The following AUTS2 variants were observed in gnomAD, a reference collection of about 807,000 sequenced individuals.
AUTS2 encodes the protein autism susceptibility gene 2 protein.
AUTS2 carries 17 observed loss-of-function variants against 112.4 expected under a neutral mutation model. The ratio of observed to expected loss-of-function variants is 0.15; its 90% confidence interval spans 0.10 to 0.23. AUTS2 has a LOEUF of 0.23. Among genes scored for constraint, AUTS2 ranks in the 10% least tolerant of loss-of-function variants. The pLI is 1.00. For missense variants in AUTS2, 1,510 were observed against 1,701.6 expected (o/e 0.89, Z 1.98); for synonymous variants, 751 against 702.7 (o/e 1.07, Z -1.09).
chr7:70,497,703 G>T (rs1798610735), intron 5 of AUTS2, among the ~76,000 whole-genome samples: 1 of 152,132 alleles, frequency 6.6e-6, no homozygotes, highest in Non-Finnish European at 1.5e-5. Flanking sequence ...TTCATTAGGG[G>T]CATAGCTGAG....
At chr7:70,464,221 C>T (rs2115671695) in intron 5 of AUTS2, among the ~76,000 whole-genome samples, 1 of 152,314 alleles carries the variant, frequency 6.6e-6, no homozygotes, top group Non-Finnish European at 1.5e-5. Flanking sequence ...CTTTCCATCC[C>T]TATTATGTGC....
At chr7:70,549,384 G>T (rs1306260458) in intron 5 of AUTS2, among the ~76,000 whole-genome samples, 1 of 152,048 alleles carries the variant, frequency 6.6e-6, no homozygotes, top group Non-Finnish European at 1.5e-5. Context: ...AGAATTTTAG[G>T]AATTAAAACT....
chr7:70,741,626 G>A (rs1788113642), intron 6 of AUTS2, among the ~76,000 whole-genome samples: 1 of 151,754 alleles, frequency 6.6e-6, no homozygotes, highest in African/African-American at 2.4e-5. Context: ...GGGAGGCGGA[G>A]GTTGAGGTGA....
intron 1 of AUTS2, among the ~76,000 whole-genome samples, chr7:69,766,871 G>T (rs570950184): frequency 6.6e-6 from 1 of 152,216 alleles, no homozygotes; most frequent in African/African-American, 2.4e-5. Flanking sequence ...AGTTGGAGTG[G>T]CATGACAGTC....
chr7:70,046,075 T>C (rs1000424354), intron 2 of AUTS2, among the ~76,000 whole-genome samples: 50 of 152,146 alleles, frequency 3.3e-4, no homozygotes, highest in African/African-American at 1.1e-3. Flanking sequence ...TAACCAAAAT[T>C]AGCAACAATA....
chr7:70,526,101 C>A (rs796612894), intron 5 of AUTS2, among the ~76,000 whole-genome samples: 20 of 152,342 alleles, frequency 1.3e-4, no homozygotes, highest in African/African-American at 4.8e-4. Context: ...CCTCCCACAT[C>A]TAATGAGTCA....
At chr7:69,816,894 A>T (rs955324484) in intron 1 of AUTS2, among the ~76,000 whole-genome samples, 1 of 152,132 alleles carries the variant, frequency 6.6e-6, no homozygotes, top group African/African-American at 2.4e-5. Flanking sequence ...TCGTTCAGCA[A>T]GTTCTTGGTG....
In AUTS2 at chr7:70,692,808, G is replaced by A. The variant is rs140059474; in HGVS notation, c.691-5761G>A. On this transcript the variant is annotated intron_variant, in intron 5 of 18. Coordinates refer to ENST00000342771, the MANE Select transcript of AUTS2 (RefSeq NM_015570.4). ...TTGAGAGGTTTTTCAAGAGTGCCATGAAATCAAATAGTGATAGACATGCAA... is the reference window on the plus strand; with the variant it reads ...TTGAGAGGTTTTTCAAGAGTGCCATAAAATCAAATAGTGATAGACATGCAA... Among the ~76,000 whole-genome samples the A allele has an allele frequency of 6.0e-5, 9 of 149,714 alleles. No homozygotes were observed. The East Asian group carries it at 1.8e-3, about 30-fold the overall frequency.
At chr7:70,026,206 G>T (rs1472691081) in intron 2 of AUTS2, among the ~76,000 whole-genome samples, 1 of 152,204 alleles carries the variant, frequency 6.6e-6, no homozygotes. Flanking sequence ...ACGCTCCTTA[G>T]TTTCACTGAG....
At chr7:69,611,876 G>A (rs1793053095) in intron 1 of AUTS2, among the ~76,000 whole-genome samples, 1 of 134,252 alleles carries the variant, frequency 7.4e-6, no homozygotes. Context: ...CTTGCAGTGA[G>A]CCGAGATTGC....
At chr7:69,876,064 A>G (rs1052143151) in intron 1 of AUTS2, among the ~76,000 whole-genome samples, 4 of 151,760 alleles carry the variant, frequency 2.6e-5, no homozygotes, top group African/African-American at 9.7e-5. Context: ...TTGAATTTTA[A>G]CTTTAAAAAA....
At chr7:70,242,175 C>T (rs1399784869) in intron 4 of AUTS2, among the ~76,000 whole-genome samples, 2 of 152,140 alleles carry the variant, frequency 1.3e-5, no homozygotes, top group Non-Finnish European at 2.9e-5. Flanking sequence ...TGGTTTCCAC[C>T]TCAGGTGGTT....
At chr7:69,995,502 CCTT>C (rs1229315256) in intron 2 of AUTS2, among the ~76,000 whole-genome samples, 1 of 152,052 alleles carries the variant, frequency 6.6e-6, no homozygotes, top group Non-Finnish European at 1.5e-5. Context: ...GGTTCTCCCT[CCTT>C]CTATTTCTCA....
At chr7:69,908,808 T>C (rs575242258) in intron 2 of AUTS2, among the ~76,000 whole-genome samples, 1 of 152,328 alleles carries the variant, frequency 6.6e-6, no homozygotes, top group Non-Finnish European at 1.5e-5. Context: ...TGGCTATAAT[T>C]AGATGGAGAA....
intron 2 of AUTS2, among the ~76,000 whole-genome samples, chr7:70,107,578 G>A (rs897344485): frequency 4.7e-5 from 7 of 149,470 alleles, no homozygotes; most frequent in Middle Eastern, 3.4e-3. Context: ...TCCTGACCTC[G>A]TGATCCGCCC....
At chr7:70,655,782 G>A (rs1279589304) in intron 5 of AUTS2, among the ~76,000 whole-genome samples, 1 of 152,154 alleles carries the variant, frequency 6.6e-6, no homozygotes, top group African/African-American at 2.4e-5. Context: ...GATGGCTACT[G>A]GGGGAGCAGC....
intron 6 of AUTS2, among the ~76,000 whole-genome samples, chr7:70,700,531 A>C (rs757528979): frequency 4.6e-5 from 7 of 152,170 alleles, no homozygotes; most frequent in Non-Finnish European, 1.0e-4. Context: ...AATCAGTGCG[A>C]ATCCAGGTGG....
intron 5 of AUTS2, among the ~76,000 whole-genome samples, chr7:70,609,959 T>TTTG (rs200432278): frequency 0.054 from 6,678 of 122,874 alleles, 398 homozygotes; most frequent in African/African-American, 0.16. Context: ...AGTTCTGTTT[T>TTTG]TTGTTGTTGT....
intron 4 of AUTS2, among the ~76,000 whole-genome samples, chr7:70,161,711 A>G (rs1808085120): frequency 6.6e-6 from 1 of 151,852 alleles, no homozygotes. Flanking sequence ...ATATCCTTAG[A>G]GGCTGACAAC....
Sources: allele counts gnomAD v4.1 joint callset (sites outside exome capture counted in the v4.1 genomes callset), GRCh38; gene constraint gnomAD v4.1.1; transcripts MANE v1.5; gene names NCBI Gene and HGNC (gene_info 2026-07-23, HGNC 2026-07-21).